The following IMMP2L variants were observed in gnomAD, a reference collection of about 807,000 sequenced individuals.
IMMP2L encodes the protein inner mitochondrial membrane peptidase subunit 2.
A neutral mutation model predicts 19.3 loss-of-function variants in IMMP2L; 18 were observed. That is an observed-to-expected ratio of 0.93 (90% CI 0.64 to 1.38). The LOEUF (loss-of-function observed/expected upper bound fraction) is 1.38. Ranked by LOEUF, IMMP2L falls within the 40% of genes most tolerant of loss-of-function variation. IMMP2L has a pLI of 0.00. For missense variants in IMMP2L, 233 were observed against 218.2 expected (o/e 1.07, Z -0.43); for synonymous variants, 76 against 73.0 (o/e 1.04, Z -0.21).
At chr7:111,128,299 T>C (rs1391863484) in intron 3 of IMMP2L, among the ~76,000 whole-genome samples, 2 of 152,208 alleles carry the variant, frequency 1.3e-5, no homozygotes, top group Non-Finnish European at 2.9e-5. Context: ...ATTTTCTTTA[T>C]CAGTGTTTTC....
chr7:111,424,823 T>C (rs1227138052), intron 3 of IMMP2L, among the ~76,000 whole-genome samples: 1 of 151,804 alleles, frequency 6.6e-6, no homozygotes, highest in African/African-American at 2.4e-5. Context: ...TTTGCAACTT[T>C]TGTAAAATAT....
intron 5 of IMMP2L, among the ~76,000 whole-genome samples, chr7:110,697,786 C>A (rs774480496): frequency 1.2e-4 from 19 of 152,112 alleles, no homozygotes; most frequent in Non-Finnish European, 2.4e-4. Flanking sequence ...AGAGTGAGAC[C>A]CTATCTCTAA....
rs571414028 is a variant in IMMP2L, at chr7:110,898,916, T to C, written c.306-12221A>G. 5.5e-4 allele frequency among the ~76,000 whole-genome samples: 84 copies of C among 152,106 alleles called. No individual in the cohort carries two copies. The South Asian group carries it at 8.5e-3, about 15-fold the overall frequency. ...AAGCTCAGGAAACCTGCCTTTGTGCTCCTATTTCAGAGTTAATAATATTTT... is the reference window on the plus strand; with the variant it reads ...AAGCTCAGGAAACCTGCCTTTGTGCCCCTATTTCAGAGTTAATAATATTTT... On this transcript the variant is annotated intron_variant, in intron 4 of 5. Coordinates refer to ENST00000405709, the MANE Select transcript of IMMP2L (RefSeq NM_032549.4).
At chr7:111,380,949 C>G (rs1215852255) in intron 3 of IMMP2L, among the ~76,000 whole-genome samples, 2 of 151,368 alleles carry the variant, frequency 1.3e-5, no homozygotes, top group Non-Finnish European at 2.9e-5. Flanking sequence ...AGGTTATTCT[C>G]ACTACTATCT....
intron 3 of IMMP2L, among the ~76,000 whole-genome samples, chr7:111,199,854 C>T (rs984122699): frequency 2.0e-5 from 3 of 152,076 alleles, no homozygotes; most frequent in Admixed American, 6.5e-5. Flanking sequence ...CAGTGGTTTA[C>T]CTCTAAATGA....
chr7:111,142,703 T>G (rs1803066718), intron 3 of IMMP2L, among the ~76,000 whole-genome samples: 2 of 152,122 alleles, frequency 1.3e-5, no homozygotes, highest in Non-Finnish European at 2.9e-5. Context: ...AGGTCATGTG[T>G]GTTAATGAGA....
intron 4 of IMMP2L, among the ~76,000 whole-genome samples, chr7:110,887,266 G>A (rs1476204177): frequency 6.6e-6 from 1 of 151,990 alleles, no homozygotes; most frequent in Non-Finnish European, 1.5e-5. Context: ...CAGCACTAAA[G>A]TATTCCTAAA....
chr7:111,432,550 T>C (rs868298648), intron 3 of IMMP2L, among the ~76,000 whole-genome samples: 1 of 151,748 alleles, frequency 6.6e-6, no homozygotes, highest in Non-Finnish European at 1.5e-5. Flanking sequence ...AAACTAGGTA[T>C]AGAAGGAACA....
At chr7:111,112,279 T>C (rs1402535412) in intron 3 of IMMP2L, among the ~76,000 whole-genome samples, 1 of 152,072 alleles carries the variant, frequency 6.6e-6, no homozygotes, top group Non-Finnish European at 1.5e-5. Flanking sequence ...AATGAAAAAC[T>C]TTAACCTGCA....
intron 3 of IMMP2L, among the ~76,000 whole-genome samples, chr7:111,041,081 T>A (rs938311455): frequency 6.6e-5 from 10 of 152,108 alleles, no homozygotes; most frequent in African/African-American, 2.2e-4. Flanking sequence ...GGTATGATAA[T>A]CTTCTAGAAG....
intron 5 of IMMP2L, among the ~76,000 whole-genome samples, chr7:110,779,747 T>C (rs1799614381): frequency 6.6e-6 from 1 of 151,838 alleles, no homozygotes; most frequent in Admixed American, 6.6e-5. Context: ...TTAACTAAAA[T>C]TACCCAGGTT....
Position 110,803,738 on chromosome 7 carries a change from C to T in IMMP2L, c.408+82855G>A, listed in dbSNP as rs1251844471. On this transcript the variant is annotated intron_variant, in intron 5 of 5. Coordinates refer to ENST00000405709, the MANE Select transcript of IMMP2L (RefSeq NM_032549.4). This position sits in a 1 kb window ranked among gnomAD's most constrained non-coding sequence, Gnocchi z 4.2. ...GGCTATCCCCTGGGAGCACTCCCAG[C>T]AATTGGGAGAAGTCATTCCTTGAAG... Among the ~76,000 whole-genome samples the T allele has an allele frequency of 6.6e-6, 1 of 152,014 alleles. No individual in the cohort carries two copies. The highest frequency in any genetic ancestry group is 1.5e-5 in the Non-Finnish European group (1 of 67,954).
chr7:110,930,070 C>T (rs554299636), intron 4 of IMMP2L, among the ~76,000 whole-genome samples: 27 of 152,268 alleles, frequency 1.8e-4, no homozygotes, highest in Admixed American at 1.7e-3. Context: ...TTAATCATTT[C>T]ATCATATATA....
chr7:111,185,468 G>A (rs1808166149), intron 3 of IMMP2L, among the ~76,000 whole-genome samples: 1 of 152,102 alleles, frequency 6.6e-6, no homozygotes, highest in Admixed American at 6.6e-5. Context: ...GAGGCATGAG[G>A]ACTGAAGGTC....
At chr7:110,927,017 G>A (rs971165784) in intron 4 of IMMP2L, among the ~76,000 whole-genome samples, 2 of 152,064 alleles carry the variant, frequency 1.3e-5, no homozygotes, top group Admixed American at 6.6e-5. Context: ...CACTTCTAAT[G>A]CACAGAAACT....
At chr7:111,522,526 A>G (rs1846432724) in intron 1 of IMMP2L, among the ~76,000 whole-genome samples, 1 of 152,128 alleles carries the variant, frequency 6.6e-6, no homozygotes, top group African/African-American at 2.4e-5. Context: ...AAGAAGACAT[A>G]CAAATAGCCA....
intron 3 of IMMP2L, among the ~76,000 whole-genome samples, chr7:111,160,483 A>G (rs567832735): frequency 1.1e-4 from 17 of 152,032 alleles, no homozygotes; most frequent in Non-Finnish European, 2.1e-4. Flanking sequence ...TGAGTAAGTC[A>G]TTTTGCATAT....
At chr7:110,752,422 A>G (rs1211833227) in intron 5 of IMMP2L, among the ~76,000 whole-genome samples, 1 of 152,188 alleles carries the variant, frequency 6.6e-6, no homozygotes, top group Non-Finnish European at 1.5e-5. Flanking sequence ...ATGAGACACT[A>G]TAATTACCAA....
intron 5 of IMMP2L, among the ~76,000 whole-genome samples, chr7:110,829,607 A>C (rs1803787192): frequency 6.6e-6 from 1 of 152,156 alleles, no homozygotes; most frequent in Non-Finnish European, 1.5e-5. Flanking sequence ...AAAAAACAAA[A>C]AAAGAGAGAA....
Sources: gnomAD v4.1 joint callset for allele counts (sites outside exome capture counted in the v4.1 genomes callset) on GRCh38, gnomAD v4.1.1 for gene constraint, Gnocchi (gnomAD v3.1) non-coding constraint, MANE v1.5 for transcripts, NCBI Gene and HGNC (gene_info 2026-07-23, HGNC 2026-07-21) for gene names.